The following ATE1 variants were observed in gnomAD, a reference collection of about 807,000 sequenced individuals.
The protein encoded by ATE1 is arginyl-tRNA--protein transferase 1.
A neutral mutation model predicts 70.5 loss-of-function variants in ATE1; 36 were observed. That is an observed-to-expected ratio of 0.51 (90% CI 0.39 to 0.67). ATE1 has a LOEUF of 0.67. Among genes scored for constraint, ATE1 ranks in the 30% least tolerant of loss-of-function variants. ATE1 has a pLI of 0.00. For synonymous variants in ATE1, 232 were observed against 219.3 expected (o/e 1.06, Z -0.51); for missense variants, 593 against 629.5 (o/e 0.94, Z 0.62).
At chr10:121,890,621 G>A (rs1166621331) in intron 7 of ATE1, among the ~76,000 whole-genome samples, 2 of 152,148 alleles carry the variant, frequency 1.3e-5, no homozygotes, top group East Asian at 3.8e-4. Context: ...TTTATGACTA[G>A]GCTGTTTTTG....
chr10:121,854,598 G>A (rs937537129), intron 8 of ATE1, among the ~76,000 whole-genome samples: 3 of 152,158 alleles, frequency 2.0e-5, no homozygotes, highest in Middle Eastern at 3.4e-3. Flanking sequence ...GTATTTTTCT[G>A]CTTCTCCACT....
At chr10:121,862,532 A>ATTTTTT (rs35130703) in intron 8 of ATE1, among the ~76,000 whole-genome samples, 106 of 105,378 alleles carry the variant, frequency 1.0e-3, no homozygotes, top group African/African-American at 1.8e-3. Flanking sequence ...AATTTTTTTA[A>ATTTTTT]TTTTTTTTTT....
chr10:121,818,660 C>T (rs1947660364), intron 10 of ATE1, among the ~76,000 whole-genome samples: 3 of 152,216 alleles, frequency 2.0e-5, no homozygotes, highest in Non-Finnish European at 1.5e-5. Context: ...ATACACCCCA[C>T]TGGATTATCA....
intron 11 of ATE1, among the ~76,000 whole-genome samples, chr10:121,758,653 TTTG>T (rs1376602045): frequency 6.6e-6 from 1 of 152,214 alleles, no homozygotes; most frequent in Non-Finnish European, 1.5e-5. Flanking sequence ...TGTTTGTTTG[TTTG>T]TTTTTACAAA....
chr10:121,773,847 T>A (rs2135899700), intron 11 of ATE1, among the ~76,000 whole-genome samples: 1 of 152,334 alleles, frequency 6.6e-6, no homozygotes, highest in African/African-American at 2.4e-5. Context: ...CCACTCTGCA[T>A]ACTCCCTTCT....
intron 8 of ATE1, among the ~76,000 whole-genome samples, chr10:121,851,962 G>C (rs571006951): frequency 1.4e-4 from 21 of 152,336 alleles, no homozygotes; most frequent in African/African-American, 4.3e-4. Context: ...GGCTAGTTCT[G>C]GCTTCCAGCC....
intron 8 of ATE1, among the ~76,000 whole-genome samples, chr10:121,851,719 C>A (rs966328310): frequency 6.6e-6 from 1 of 152,164 alleles, no homozygotes; most frequent in African/African-American, 2.4e-5. Context: ...AGTAATTTAT[C>A]TTTACCAGTC....
intron 11 of ATE1, among the ~76,000 whole-genome samples, chr10:121,779,842 T>C (rs1590276424): frequency 1.3e-5 from 2 of 152,156 alleles, no homozygotes; most frequent in African/African-American, 2.4e-5. Flanking sequence ...TTCACCAAGA[T>C]TGTTAAATGA....
rs541232330 is a variant in ATE1, at chr10:121,797,682, T to C, written c.1258-7393A>G. Among the ~76,000 whole-genome samples, 4 of 152,102 alleles carry C rather than the reference T, an allele frequency of 2.6e-5. 1 individual carries two copies. In the South Asian group the frequency reaches 8.3e-4, roughly 32 times the overall value. ...CCCTTCAGACTGGTCGTCTACCGCT[T>C]TATCCTCCTCCATCATGTCACCTTC... On this transcript the variant is annotated intron_variant, in intron 10 of 11. Coordinates refer to ENST00000224652, the MANE Select transcript of ATE1 (RefSeq NM_001001976.3).
At chr10:121,911,367 A>G (rs1482178629) in intron 4 of ATE1, among the ~76,000 whole-genome samples, 1 of 151,368 alleles carries the variant, frequency 6.6e-6, no homozygotes, top group Non-Finnish European at 1.5e-5. Context: ...GGAGGCCAAC[A>G]CAGGAGGACT....
intron 7 of ATE1, among the ~76,000 whole-genome samples, chr10:121,891,732 CAG>C (rs1950585978): frequency 6.6e-6 from 1 of 152,288 alleles, no homozygotes; most frequent in African/African-American, 2.4e-5. Flanking sequence ...GATTATTTTA[CAG>C]AGTCAGACTG....
At chr10:121,831,141 T>A (rs1024166519) in intron 10 of ATE1, among the ~76,000 whole-genome samples, 5 of 152,206 alleles carry the variant, frequency 3.3e-5, no homozygotes, top group African/African-American at 1.2e-4. Flanking sequence ...CTAAGGTTAG[T>A]AGTATTACAA....
chr10:121,815,449 TC>T (rs751220646), intron 10 of ATE1, among the ~76,000 whole-genome samples: 1 of 152,190 alleles, frequency 6.6e-6, no homozygotes, highest in Non-Finnish European at 1.5e-5. Flanking sequence ...ATGTTTACCT[TC>T]TTTGTTCTTG....
intron 1 of ATE1, chr10:121,927,574 A>T: frequency 2.0e-6 from 2 of 980,068 alleles, no homozygotes; most frequent in African/African-American, 1.7e-5. Flanking sequence ...CACCTCACAC[A>T]ATCTACCCCA....
chr10:121,879,723 G>A (rs927560987), intron 7 of ATE1, among the ~76,000 whole-genome samples: 9 of 152,136 alleles, frequency 5.9e-5, no homozygotes, highest in Non-Finnish European at 8.8e-5. Flanking sequence ...ATCAGGTCAC[G>A]GTGAGATTCC....
chr10:121,791,099 T>A (rs373478714), intron 10 of ATE1, among the ~76,000 whole-genome samples: 43,410 of 136,978 alleles, frequency 0.32, 7,289 homozygotes, highest in Middle Eastern at 0.36. Context: ...TATATATATT[T>A]TTTTTTTTTT....
intron 10 of ATE1, among the ~76,000 whole-genome samples, chr10:121,796,000 A>G (rs149688020): frequency 3.2e-4 from 48 of 152,328 alleles, no homozygotes; most frequent in African/African-American, 1.1e-3. Flanking sequence ...ATTCTTTCCT[A>G]GGGTGCTGAC....
At chr10:121,836,165 C>A (rs1231686054) in intron 10 of ATE1, among the ~76,000 whole-genome samples, 1 of 152,132 alleles carries the variant, frequency 6.6e-6, no homozygotes, top group African/African-American at 2.4e-5. Context: ...CTACTCCTTC[C>A]TTTCCTCTTC....
chr10:121,839,102 C>G (rs1297185283), intron 9 of ATE1, among the ~76,000 whole-genome samples: 1 of 152,108 alleles, frequency 6.6e-6, no homozygotes, highest in African/African-American at 2.4e-5. Context: ...TCAAGAGCAC[C>G]AAAAGGAAGT....
Sources: allele counts gnomAD v4.1 joint callset (sites outside exome capture counted in the v4.1 genomes callset), GRCh38; gene constraint gnomAD v4.1.1; transcripts MANE v1.5; gene names NCBI Gene and HGNC (gene_info 2026-07-23, HGNC 2026-07-21).